ERG: variants seen among roughly 807,000 people sequenced by gnomAD.
The protein encoded by ERG is ETS transcription factor ERG, also known as transcriptional regulator ERG.
Under a neutral mutation model 55.3 loss-of-function variants are expected in ERG, and 9 were observed. That is an observed-to-expected ratio of 0.16 (90% confidence interval 0.10 to 0.28). ERG has a LOEUF of 0.28. ERG is among the 10% of genes least tolerant of loss of function. The probability of loss-of-function intolerance (pLI) is 1.00; values close to 1 mark genes in which losing one functional copy is unlikely to be tolerated. For missense variants in ERG, 434 were observed against 631.6 expected (o/e 0.69, Z 3.35); for synonymous variants, 223 against 237.3 (o/e 0.94, Z 0.55).
At chr21:38,370,357 T>C in the ERG span, among the ~76,000 whole-genome samples, 1 of 152,108 alleles carries the variant, frequency 6.6e-6, no homozygotes. Context: ...GTTACAAAAC[T>C]TTCTCCCAGC....
At chr21:38,598,686 C>T (rs1006958419) in intron 1 of ERG, among the ~76,000 whole-genome samples, 1 of 152,138 alleles carries the variant, frequency 6.6e-6, no homozygotes, top group Non-Finnish European at 1.5e-5. Flanking sequence ...TCTGCCTTCC[C>T]GGCCTCAAGG....
intron 1 of ERG, among the ~76,000 whole-genome samples, chr21:38,481,004 C>G (rs1025464624): frequency 6.6e-6 from 1 of 152,166 alleles, no homozygotes; most frequent in South Asian, 2.1e-4. Context: ...TTCATGCATA[C>G]TTACTCCTCC....
At chr21:38,465,478 T>C (rs541662541) in intron 1 of ERG, among the ~76,000 whole-genome samples, 1 of 152,188 alleles carries the variant, frequency 6.6e-6, no homozygotes, top group Non-Finnish European at 1.5e-5. Flanking sequence ...TAATGTTGGA[T>C]ACATGTAAAT....
At chr21:38,651,742 C>T (rs2060490095) in intron 1 of ERG, among the ~76,000 whole-genome samples, 1 of 152,088 alleles carries the variant, frequency 6.6e-6, no homozygotes. Context: ...CGCTCCCTTC[C>T]GGTCACTTCC....
chr21:38,396,411 A>C (rs1988219172), intron 6 of ERG, among the ~76,000 whole-genome samples: 1 of 152,282 alleles, frequency 6.6e-6, no homozygotes, highest in African/African-American at 2.4e-5. Flanking sequence ...GATGCTATGC[A>C]GTAGTTGTAT....
chr21:38,551,818 G>A lies in ERG; in HGVS notation c.-41+23844C>T, dbSNP rs186109755. ...AGGTGAAAAGAATGCATATTGTGTC[G>A]TTGTTGGGTGCAGTGTTCTGGAGAT... On this transcript the variant is annotated intron_variant, in intron 2 of 8. Coordinates refer to the ERG transcript ENST00000398897. 2.5e-3 allele frequency among the ~76,000 whole-genome samples: 379 copies of A among 152,248 alleles called. 2 individuals carry two copies. The highest frequency in any genetic ancestry group is 3.5e-3 in the Non-Finnish European group (240 of 68,022).
intron 6 of ERG, 77 bp downstream of exon 6, chr21:38,400,497 G>A (rs1569066259): frequency 8.7e-7 from 1 of 1,144,274 alleles, no homozygotes; most frequent in Non-Finnish European, 1.3e-6. Flanking sequence ...TTTGTATCAC[G>A]TGACTTAGGG....
intron 2 of ERG, among the ~76,000 whole-genome samples, chr21:38,434,873 T>C (rs1425840571): frequency 6.6e-6 from 1 of 152,250 alleles, no homozygotes; most frequent in African/African-American, 2.4e-5. Context: ...CTTTTTGTTC[T>C]TGGCAACTGT....
intron 5 of ERG, among the ~76,000 whole-genome samples, chr21:38,401,411 G>A (rs1327258360): frequency 2.0e-5 from 3 of 152,214 alleles, no homozygotes; most frequent in Admixed American, 2.0e-4. Flanking sequence ...CTAATAGGCT[G>A]ATGTGTGCAA....
chr21:38,391,508 G>A, intron 8 of ERG, 151 bp downstream of exon 8: 1 of 627,230 alleles, frequency 1.6e-6, no homozygotes, highest in Non-Finnish European at 2.8e-6. Context: ...CGCATGAGTA[G>A]GCTGATGACT....
chr21:38,570,201 A>C (rs1210971652), intron 2 of ERG, among the ~76,000 whole-genome samples: 1 of 152,078 alleles, frequency 6.6e-6, no homozygotes, highest in Non-Finnish European at 1.5e-5. Flanking sequence ...TAAAAACATC[A>C]CTGTTATTAA....
At chr21:38,643,248 G>T (rs576354814) in intron 1 of ERG, among the ~76,000 whole-genome samples, 3 of 152,150 alleles carry the variant, frequency 2.0e-5, no homozygotes, top group Non-Finnish European at 4.4e-5. Context: ...ACCAGAGCAC[G>T]CAGGAAATCC....
intron 3 of ERG, among the ~76,000 whole-genome samples, chr21:38,409,518 G>A (rs973902713): frequency 4.2e-5 from 6 of 143,796 alleles, no homozygotes; most frequent in Non-Finnish European, 9.1e-5. Flanking sequence ...AAAAGACTCC[G>A]TGATCCAAGG....
chr21:38,574,891 T>G (rs891199368), intron 2 of ERG, among the ~76,000 whole-genome samples: 3 of 152,252 alleles, frequency 2.0e-5, no homozygotes, highest in Admixed American at 1.3e-4. Flanking sequence ...ACAGCCTGTT[T>G]GGATAAGGTA....
chr21:38,400,897 T>G (rs1032177304), intron 5 of ERG, among the ~76,000 whole-genome samples: 4 of 152,204 alleles, frequency 2.6e-5, no homozygotes, highest in African/African-American at 9.6e-5. Flanking sequence ...TTATAACTTC[T>G]TGATGAAGCC....
rs149748631 is a variant in ERG at position 38,391,760 on chromosome 21, G to T, written c.815-45C>A. The T allele has an allele frequency of 1.2e-5, 18 of 1,479,390 alleles. No homozygotes were observed. In the East Asian group the frequency reaches 3.6e-4, roughly 30 times the overall value. 91.6% of individuals were successfully genotyped at this position (1,479,390 alleles called of 1,614,324 possible). On this transcript the variant is annotated intron_variant, in intron 7 of 9. Transcript: ENST00000288319. ...AAAGGCAATTAGCTATAACAGATTT[G>T]GTCACTAGTCTTTGATGTTGTTGCA...
At chr21:38,613,599 C>A (rs986011739) in intron 1 of ERG, among the ~76,000 whole-genome samples, 1 of 152,226 alleles carries the variant, frequency 6.6e-6, no homozygotes, top group East Asian at 1.9e-4. Flanking sequence ...TCGCCGCTCA[C>A]TGTGAAGGCA....
chr21:38,543,949 C>G (rs147724709), intron 2 of ERG, among the ~76,000 whole-genome samples: 128 of 152,164 alleles, frequency 8.4e-4, no homozygotes, highest in African/African-American at 2.9e-3. Context: ...GTTGGCCAGG[C>G]TGGTCGTCTC....
chr21:38,464,044 G>A (rs920247698), intron 1 of ERG, among the ~76,000 whole-genome samples: 10 of 151,742 alleles, frequency 6.6e-5, no homozygotes, highest in African/African-American at 1.9e-4. Context: ...TAAAAACTCC[G>A]AACACTAGGA....
Sources: gnomAD v4.1 joint callset for allele counts (sites outside exome capture counted in the v4.1 genomes callset) on GRCh38, gnomAD v4.1.1 for gene constraint, MANE v1.5 for transcripts, NCBI Gene and HGNC (gene_info 2026-07-23, HGNC 2026-07-21) for gene names.